The following ITFG1 variants were observed in gnomAD, a reference collection of about 807,000 sequenced individuals.
ITFG1 encodes integrin alpha FG-GAP repeat containing 1.
A neutral mutation model predicts 81.8 loss-of-function variants in ITFG1; 34 were observed. That is an observed-to-expected ratio of 0.42 (90% CI 0.32 to 0.55). The LOEUF (loss-of-function observed/expected upper bound fraction) is 0.55. ITFG1 is among the 20% of genes least tolerant of loss of function. The pLI is 0.17. For synonymous variants in ITFG1, 285 were observed against 270.6 expected (o/e 1.05, Z -0.52); for missense variants, 672 against 755.4 (o/e 0.89, Z 1.29).
chr16:47,306,835 C>T (rs1162957193), intron 10 of ITFG1, among the ~76,000 whole-genome samples: 1 of 151,798 alleles, frequency 6.6e-6, no homozygotes, highest in African/African-American at 2.4e-5. Flanking sequence ...TGGCTCACGC[C>T]TGTAATCCCA....
chr16:47,363,011 A>G (rs1968129175), intron 8 of ITFG1, among the ~76,000 whole-genome samples: 1 of 152,022 alleles, frequency 6.6e-6, no homozygotes, highest in African/African-American at 2.4e-5. Flanking sequence ...ATCCTCCCAC[A>G]TCAGTCTCCT....
intron 5 of ITFG1, among the ~76,000 whole-genome samples, chr16:47,434,030 C>T (rs779558865): frequency 1.1e-4 from 17 of 150,428 alleles, no homozygotes; most frequent in Non-Finnish European, 1.6e-4. Flanking sequence ...AAGTAGACCC[C>T]TTCCTTACAC....
At chr16:47,353,076 G>A (rs562491100) in intron 8 of ITFG1, among the ~76,000 whole-genome samples, 1 of 151,954 alleles carries the variant, frequency 6.6e-6, no homozygotes, top group South Asian at 2.1e-4. Context: ...GGGTGAGGGG[G>A]GAGGGATAGC....
intron 8 of ITFG1, among the ~76,000 whole-genome samples, chr16:47,326,864 AG>A (rs1186164123): frequency 1.3e-5 from 2 of 152,212 alleles, no homozygotes; most frequent in African/African-American, 4.8e-5. Flanking sequence ...GCTCATGGGT[AG>A]GAAGAATCAA....
chr16:47,231,467 C>G (rs1221780158), intron 13 of ITFG1, among the ~76,000 whole-genome samples: 1 of 152,076 alleles, frequency 6.6e-6, no homozygotes, highest in Admixed American at 6.5e-5. Flanking sequence ...TATGATAGCA[C>G]CACTAATAAT....
At chr16:47,314,206 G>A (rs1967315311) in intron 8 of ITFG1, among the ~76,000 whole-genome samples, 1 of 152,074 alleles carries the variant, frequency 6.6e-6, no homozygotes, top group Non-Finnish European at 1.5e-5. Flanking sequence ...AAAGAAAAAT[G>A]TATAGTGTTG....
intron 6 of ITFG1, among the ~76,000 whole-genome samples, chr16:47,400,773 G>C (rs1008807697): frequency 2.6e-5 from 4 of 152,138 alleles, no homozygotes; most frequent in Non-Finnish European, 5.9e-5. Flanking sequence ...GAAACAGCAT[G>C]TAAGCTCCAT....
intron 10 of ITFG1, among the ~76,000 whole-genome samples, chr16:47,279,056 G>A (rs907296860): frequency 8.6e-5 from 13 of 151,970 alleles, no homozygotes; most frequent in Admixed American, 3.9e-4. Context: ...AATGAGATTT[G>A]CAATTATTAT....
chr16:47,158,812 G>T, intron 17 of ITFG1, 61 bp downstream of exon 17: 1 of 781,778 alleles, frequency 1.3e-6, no homozygotes, highest in Non-Finnish European at 2.1e-6. Flanking sequence ...TTTTTAAAGA[G>T]CAATGTATGT....
chr16:47,388,816 C>T (rs1292654100), intron 6 of ITFG1, among the ~76,000 whole-genome samples: 3 of 152,098 alleles, frequency 2.0e-5, no homozygotes, highest in Admixed American at 1.3e-4. Context: ...ATATTAACAG[C>T]CTGTCCTCTC....
At chr16:47,295,192 A>C (rs1276911082) in intron 10 of ITFG1, among the ~76,000 whole-genome samples, 1 of 152,184 alleles carries the variant, frequency 6.6e-6, no homozygotes, top group Admixed American at 6.5e-5. Context: ...CATCGCTGGA[A>C]TAAATCTTGC....
At chr16:47,222,634 C>T (rs1279868653) in intron 13 of ITFG1, among the ~76,000 whole-genome samples, 1 of 152,026 alleles carries the variant, frequency 6.6e-6, no homozygotes, top group Non-Finnish European at 1.5e-5. Flanking sequence ...AGGATGGTCT[C>T]GATCTCCTGA....
At chr16:47,377,230 G>A (rs1255409794) in intron 6 of ITFG1, among the ~76,000 whole-genome samples, 1 of 152,062 alleles carries the variant, frequency 6.6e-6, no homozygotes, top group Non-Finnish European at 1.5e-5. Context: ...CTCATTCCAA[G>A]TGGAACCATT....
At chr16:47,412,340 C>A (rs1407218830) in intron 6 of ITFG1, among the ~76,000 whole-genome samples, 1 of 152,014 alleles carries the variant, frequency 6.6e-6, no homozygotes, top group South Asian at 2.1e-4. Flanking sequence ...AAACTGAAAC[C>A]CAATCTAAGG....
At chr16:47,354,958 A>G (rs1023686675) in intron 8 of ITFG1, among the ~76,000 whole-genome samples, 2 of 152,170 alleles carry the variant, frequency 1.3e-5, no homozygotes, top group South Asian at 4.1e-4. Context: ...AAATTAGTAC[A>G]GCCATTATGT....
At chr16:47,238,933 C>T (rs766122541) in intron 12 of ITFG1, among the ~76,000 whole-genome samples, 5 of 152,138 alleles carry the variant, frequency 3.3e-5, no homozygotes, top group Non-Finnish European at 5.9e-5. Context: ...TAATAACCAA[C>T]GTGACAGTGT....
chr16:47,233,207 ACTTTT>A (rs1452155652), intron 13 of ITFG1, among the ~76,000 whole-genome samples: 1 of 152,222 alleles, frequency 6.6e-6, no homozygotes, highest in Admixed American at 6.5e-5. Context: ...AAAATCAACA[ACTTTT>A]CTTAGATCTT....
intron 8 of ITFG1, among the ~76,000 whole-genome samples, chr16:47,340,746 AC>A (rs1364569251): frequency 1.3e-5 from 2 of 152,208 alleles, no homozygotes; most frequent in African/African-American, 2.4e-5. Flanking sequence ...TTTTAAAAAA[AC>A]ATGGTCCAAC....
At chr16:47,258,824 G>C (rs1486470628) in intron 11 of ITFG1, 84 bp from the exon 12 acceptor site, 14 of 565,568 alleles carry the variant, frequency 2.5e-5, no homozygotes, top group Non-Finnish European at 2.7e-5. Flanking sequence ...ATGGCATATT[G>C]TTTATAAAGT....
Sources: allele counts gnomAD v4.1 joint callset (sites outside exome capture counted in the v4.1 genomes callset), GRCh38; gene constraint gnomAD v4.1.1; transcripts MANE v1.5; gene names NCBI Gene and HGNC (gene_info 2026-07-23, HGNC 2026-07-21).